KIF26B: variants seen among roughly 807,000 people sequenced by gnomAD.
The protein encoded by KIF26B is kinesin family member 26B.
A neutral mutation model predicts 151.2 loss-of-function variants in KIF26B; 63 were observed. The observed-to-expected ratio is 0.42, with a 90% CI of 0.34 to 0.51. The LOEUF (loss-of-function observed/expected upper bound fraction) is 0.51, where lower values mean the gene tolerates loss of function less well. KIF26B is among the 20% of genes least tolerant of loss of function. The pLI is 0.07. For missense variants in KIF26B, 2,813 were observed against 2,913.6 expected (o/e 0.97, Z 0.79); for synonymous variants, 1,357 against 1,262.1 (o/e 1.08, Z -1.59).
intron 4 of KIF26B, among the ~76,000 whole-genome samples, chr1:245,532,647 A>G (rs1232527024): frequency 1.3e-5 from 2 of 152,240 alleles, no homozygotes; most frequent in East Asian, 3.9e-4. Flanking sequence ...GTATTTTAAC[A>G]TGATATTGTT....
At chr1:245,454,728 G>A (rs1231617421) in intron 4 of KIF26B, among the ~76,000 whole-genome samples, 1 of 152,200 alleles carries the variant, frequency 6.6e-6, no homozygotes, top group African/African-American at 2.4e-5. Context: ...TTCTCTGGCA[G>A]GAGAGCCACC....
chr1:245,327,124 C>T (rs1314723308), intron 2 of KIF26B, among the ~76,000 whole-genome samples: 1 of 152,210 alleles, frequency 6.6e-6, no homozygotes, highest in African/African-American at 2.4e-5. Context: ...ACACAGATGA[C>T]CATGTATACA....
chr1:245,696,841 G>A (rs981540215), intron 12 of KIF26B, among the ~76,000 whole-genome samples: 1 of 152,218 alleles, frequency 6.6e-6, no homozygotes, highest in Non-Finnish European at 1.5e-5. Flanking sequence ...CGGGCACAGT[G>A]GCTCATGCCT....
chr1:245,541,647 G>C (rs1286823370), intron 5 of KIF26B, among the ~76,000 whole-genome samples: 2 of 152,210 alleles, frequency 1.3e-5, no homozygotes, highest in East Asian at 1.9e-4. Context: ...GTGAAAGAAA[G>C]ACGTGGCGGT....
At chr1:245,381,304 G>GT (rs1488390770) in intron 3 of KIF26B, among the ~76,000 whole-genome samples, 1 of 152,078 alleles carries the variant, frequency 6.6e-6, no homozygotes, top group Admixed American at 6.6e-5. Flanking sequence ...GTTTGTTGTT[G>GT]TTGTTTTAAT....
intron 4 of KIF26B, among the ~76,000 whole-genome samples, chr1:245,535,013 C>A (rs1661459092): frequency 6.6e-6 from 1 of 152,044 alleles, no homozygotes. Flanking sequence ...GATCTCCTGA[C>A]CTTAAGTGAT....
chr1:245,304,117 C>G (rs1413895856), intron 2 of KIF26B, among the ~76,000 whole-genome samples: 4 of 152,188 alleles, frequency 2.6e-5, no homozygotes, highest in Non-Finnish European at 5.9e-5. Context: ...GCCACAGACC[C>G]AGGGGGCACA....
chr1:245,185,935 C>T lies in KIF26B; in HGVS notation c.465+29252C>T, dbSNP rs1275817921. 2.0e-5 allele frequency among the ~76,000 whole-genome samples: 3 copies of T among 151,944 alleles called. No individual in the cohort carries two copies. The East Asian group carries it at 5.8e-4, about 29-fold the overall frequency. On this transcript the variant is annotated intron_variant, in intron 2 of 14. Transcript: ENST00000407071. ...TGTCGCCCAAGCTGGAGTGCGGTGG[C>T]GTGATCTCAGCTCACTGCAACCTCC... is the stretch of plus-strand genomic sequence containing the variant.
chr1:245,487,481 G>A (rs1660307700), intron 4 of KIF26B, among the ~76,000 whole-genome samples: 1 of 152,200 alleles, frequency 6.6e-6, no homozygotes, highest in Non-Finnish European at 1.5e-5. Flanking sequence ...TTCACAGTGT[G>A]CCTTCAGGGT....
At chr1:245,561,902 C>T (rs79315037) in intron 5 of KIF26B, among the ~76,000 whole-genome samples, 2,425 of 152,284 alleles carry the variant, frequency 0.016, 32 homozygotes, top group Middle Eastern at 0.034. Context: ...AGAGGTGGTC[C>T]TGCCTCTTCT....
chr1:245,476,679 A>T (rs1660049761), intron 4 of KIF26B, among the ~76,000 whole-genome samples: 1 of 151,398 alleles, frequency 6.6e-6, no homozygotes, highest in Admixed American at 6.6e-5. Context: ...GAGACCACAG[A>T]CACATGCCAT....
chr1:245,502,529 CAAA>C (rs10596275), intron 4 of KIF26B, among the ~76,000 whole-genome samples: 67 of 96,730 alleles, frequency 6.9e-4, no homozygotes, highest in South Asian at 1.1e-3. Context: ...GATTCTGTCT[CAAA>C]AAAAAAAAAA....
At chr1:245,320,193 G>A (rs759591214) in intron 2 of KIF26B, among the ~76,000 whole-genome samples, 7 of 152,190 alleles carry the variant, frequency 4.6e-5, no homozygotes, top group Admixed American at 3.9e-4. Context: ...GCAATGTGCC[G>A]TGCACACCAC....
chr1:245,673,256 G>A (rs12734189), intron 10 of KIF26B, among the ~76,000 whole-genome samples: 2 of 28,318 alleles, frequency 7.1e-5, no homozygotes, highest in South Asian at 1.5e-3. Flanking sequence ...GTCCCCGCTG[G>A]GCGCTGCCAT....
chr1:245,234,421 G>C (rs915067750), intron 2 of KIF26B: 1 of 152,384 alleles, frequency 6.6e-6, no homozygotes, highest in Non-Finnish European at 1.5e-5. Context: ...GAGCCTGAGT[G>C]CTGTGCTTGC....
At chr1:245,190,612 A>G (rs1573698548) in intron 2 of KIF26B, among the ~76,000 whole-genome samples, 1 of 144,166 alleles carries the variant, frequency 6.9e-6, no homozygotes, top group African/African-American at 2.7e-5. Flanking sequence ...ATCTTTTCCT[A>G]TAAGTTTTCC....
chr1:245,259,161 G>A (rs998119289), intron 2 of KIF26B, among the ~76,000 whole-genome samples: 1 of 152,168 alleles, frequency 6.6e-6, no homozygotes, highest in African/African-American at 2.4e-5. Flanking sequence ...TGGAATGGGT[G>A]ATTTCTTAAG....
intron 2 of KIF26B, among the ~76,000 whole-genome samples, chr1:245,265,201 CAAAAAAAAAAAA>C (rs59716075): frequency 2.1e-5 from 1 of 47,426 alleles, no homozygotes; most frequent in African/African-American, 7.3e-5. Flanking sequence ...GACTCCATCT[CAAAAAAAAAAAA>C]AAAAAAAAAA....
chr1:245,298,088 T>C (rs1178546703), intron 2 of KIF26B, among the ~76,000 whole-genome samples: 1 of 152,074 alleles, frequency 6.6e-6, no homozygotes, highest in Non-Finnish European at 1.5e-5. Context: ...GCTCTCACCA[T>C]GTTGGCCAGG....
Sources: gnomAD v4.1 joint callset for allele counts (sites outside exome capture counted in the v4.1 genomes callset) on GRCh38, gnomAD v4.1.1 for gene constraint, MANE v1.5 for transcripts, NCBI Gene and HGNC (gene_info 2026-07-23, HGNC 2026-07-21) for gene names.